SRPK2: variants seen among roughly 807,000 people sequenced by gnomAD.
SRPK2 encodes the protein SRSF protein kinase 2.
In SRPK2, 21 loss-of-function variants were observed where a neutral mutation model predicts 90.8. That is an observed-to-expected ratio of 0.23 (90% CI 0.16 to 0.33). The LOEUF (loss-of-function observed/expected upper bound fraction) is 0.33. SRPK2 is among the 10% of genes least tolerant of loss of function. SRPK2 has a pLI of 1.00. For synonymous variants in SRPK2, 288 were observed against 311.1 expected, an observed-to-expected ratio of 0.93 and a Z score of 0.78; for missense variants, 620 against 869.0, an observed-to-expected ratio of 0.71 and a Z score of 3.60.
chr7:105,331,337 A>AAAC (rs1554512429), intron 2 of SRPK2, among the ~76,000 whole-genome samples: 20 of 141,940 alleles, frequency 1.4e-4, no homozygotes, highest in Admixed American at 3.5e-4. Flanking sequence ...AAAAAAAAAA[A>AAAC]CAAATAGTTA....
chr7:105,281,910 A>T (rs890311636), intron 2 of SRPK2, among the ~76,000 whole-genome samples: 3 of 152,158 alleles, frequency 2.0e-5, no homozygotes, highest in African/African-American at 7.2e-5. Flanking sequence ...ATTCAACATA[A>T]TCCCCCGATA....
chr7:105,172,705 T>C (rs1192940350), intron 3 of SRPK2, among the ~76,000 whole-genome samples: 3 of 152,202 alleles, frequency 2.0e-5, no homozygotes, highest in Admixed American at 6.5e-5. Flanking sequence ...CCAAAACCCA[T>C]GTTTTATCAA....
rs78618944 is a variant in SRPK2, at chr7:105,192,377, C to G, written c.229+11251G>C. ...AGTCTCCAATCCTATCCAGGTTGCT[C>G]CAAAATTCATTACTTTTTATGGTTG... On this transcript the variant is annotated intron_variant, in intron 3 of 15. Transcript: ENST00000393651. Among the ~76,000 whole-genome samples the G allele has an allele frequency of 3.1e-3, 469 of 152,196 alleles. 14 individuals carry two copies. The East Asian group carries it at 0.062, about 20-fold the overall frequency.
chr7:105,182,843 C>G (rs1191765857), intron 3 of SRPK2, among the ~76,000 whole-genome samples: 1 of 151,944 alleles, frequency 6.6e-6, no homozygotes, highest in Admixed American at 6.5e-5. Context: ...CTCTTATGAC[C>G]AGAAGGAGGG....
At position 105,117,832 on chromosome 7, in the gene SRPK2, A is replaced by C. The variant is rs755355007; in HGVS notation, c.*6T>G. The C allele has an allele frequency of 6.2e-7, 1 of 1,612,300 alleles. No individual in the cohort carries two copies. The highest frequency in any genetic ancestry group is 1.7e-5 in the Admixed American group (1 of 60,030). ...CTAGCTCAGAATGCAATATTGGTAG[A>C]ATTTGCTAAGAATTCAACCAAGGAT... is the stretch of plus-strand genomic sequence containing the variant. On this transcript the variant is annotated 3_prime_UTR_variant, in exon 16 of 16. Coordinates refer to ENST00000393651, the MANE Select transcript of SRPK2 (RefSeq NM_182692.3).
intron 2 of SRPK2, among the ~76,000 whole-genome samples, chr7:105,265,759 C>T (rs764099594): frequency 8.5e-5 from 13 of 152,120 alleles, no homozygotes; most frequent in South Asian, 2.1e-4. Flanking sequence ...AAGGAAAATA[C>T]CTGCAGTAGG....
At chr7:105,359,423 G>T (rs1444689100) in intron 2 of SRPK2, among the ~76,000 whole-genome samples, 2 of 152,006 alleles carry the variant, frequency 1.3e-5, no homozygotes, top group Admixed American at 1.3e-4. Context: ...CTCCCAAAGT[G>T]ACAAGATTAC....
chr7:105,173,686 C>G (rs1442578809), intron 3 of SRPK2, among the ~76,000 whole-genome samples: 2 of 152,190 alleles, frequency 1.3e-5, no homozygotes, highest in African/African-American at 4.8e-5. Flanking sequence ...CAAGTACAGT[C>G]ACTAGACAAA....
chr7:105,151,509 T>C (rs933062117), intron 7 of SRPK2, among the ~76,000 whole-genome samples: 2 of 152,250 alleles, frequency 1.3e-5, no homozygotes, highest in Admixed American at 6.5e-5. Flanking sequence ...TATTGACTTA[T>C]TGAATTATGA....
In SRPK2 at chr7:105,229,627, T is replaced by C. The variant is rs187472405; in HGVS notation, c.72-25842A>G. On this transcript the variant is annotated intron_variant, in intron 2 of 15. Coordinates refer to ENST00000393651, the MANE Select transcript of SRPK2 (RefSeq NM_182692.3). The stretch of plus-strand genomic sequence containing the variant: ...AACAGATGAAGGGGGAGCGCAGGAA[T>C]AAAATTCTAGAGTCAGGTTACAGGA... 7.4e-3 allele frequency among the ~76,000 whole-genome samples: 1,127 copies of C among 152,274 alleles called. 42 individuals carry two copies. Among genetic ancestry groups the C allele is most frequent in the Admixed American group, 0.055 (837 of 15,294 alleles).
intron 2 of SRPK2, 44 bp downstream of exon 2, chr7:105,388,604 C>T (rs1292968780): frequency 2.2e-5 from 34 of 1,521,996 alleles, no homozygotes; most frequent in Non-Finnish European, 2.6e-5. Flanking sequence ...GCGCCCCCGA[C>T]GGGGCGGGGG....
At chr7:105,136,054 C>T (rs772134534) in intron 11 of SRPK2, among the ~76,000 whole-genome samples, 8 of 152,114 alleles carry the variant, frequency 5.3e-5, no homozygotes, top group African/African-American at 9.7e-5. Context: ...CATAAGCCAC[C>T]GCACCTGGCC....
intron 15 of SRPK2, among the ~76,000 whole-genome samples, chr7:105,122,839 T>TC (rs1486566592): frequency 6.6e-6 from 1 of 151,702 alleles, no homozygotes; most frequent in East Asian, 1.9e-4. Context: ...ACAATCACTC[T>TC]CTTTTATCCC....
At chr7:105,197,977 G>C (rs1795124062) in intron 3 of SRPK2, among the ~76,000 whole-genome samples, 1 of 152,198 alleles carries the variant, frequency 6.6e-6, no homozygotes, top group African/African-American at 2.4e-5. Context: ...CATTTAGTAT[G>C]TCCTTGTAGC....
At chr7:105,286,852 C>A (rs1317564023) in intron 2 of SRPK2, among the ~76,000 whole-genome samples, 1 of 152,210 alleles carries the variant, frequency 6.6e-6, no homozygotes, top group Non-Finnish European at 1.5e-5. Context: ...GACATTTACA[C>A]GTGGCCTAGG....
intron 2 of SRPK2, among the ~76,000 whole-genome samples, chr7:105,272,562 C>A (rs1040844350): frequency 4.6e-5 from 7 of 151,940 alleles, no homozygotes; most frequent in African/African-American, 1.7e-4. Flanking sequence ...GGGTACTTTG[C>A]AAGACCGTTA....
At chr7:105,244,503 G>A in intron 2 of SRPK2, 1 of 443,486 alleles carries the variant, frequency 2.3e-6, no homozygotes, top group Non-Finnish European at 4.1e-6. Flanking sequence ...GAACCCGGGA[G>A]GCGGAGCTTG....
intron 1 of SRPK2, among the ~76,000 whole-genome samples, chr7:105,395,543 A>G (rs1401344657): frequency 6.6e-6 from 1 of 152,120 alleles, no homozygotes; most frequent in Non-Finnish European, 1.5e-5. Flanking sequence ...CAGCCCGGAC[A>G]ACATGGTGAA....
intron 2 of SRPK2, chr7:105,269,088 G>T: frequency 8.4e-7 from 1 of 1,190,256 alleles, no homozygotes; most frequent in East Asian, 3.4e-5. Flanking sequence ...ATGAAAGCAG[G>T]AAGTACCATT....
Sources: allele counts gnomAD v4.1 joint callset (sites outside exome capture counted in the v4.1 genomes callset), GRCh38; gene constraint gnomAD v4.1.1; transcripts MANE v1.5; gene names NCBI Gene and HGNC (gene_info 2026-07-23, HGNC 2026-07-21).